TULP4: variants seen among roughly 807,000 people sequenced by gnomAD.
The protein encoded by TULP4 is tubby-related protein 4.
A neutral mutation model predicts 129.0 loss-of-function variants in TULP4; 16 were observed. That is an observed-to-expected ratio of 0.12 (90% CI 0.08 to 0.19). TULP4 has a LOEUF of 0.19. Among genes scored for constraint, TULP4 ranks in the 10% least tolerant of loss-of-function variants. TULP4 has a pLI of 1.00. For synonymous variants in TULP4, 998 were observed against 854.0 expected (o/e 1.17, Z -2.94); for missense variants, 1,842 against 2,059.1 (o/e 0.89, Z 2.04).
intron 1 of TULP4, among the ~76,000 whole-genome samples, chr6:158,394,785 T>A (rs1252372961): frequency 6.8e-4 from 7 of 10,352 alleles, no homozygotes; most frequent in African/African-American, 3.4e-3. Context: ...AGGCTCTGTC[T>A]CAAAAAAAAA....
At chr6:158,461,508 G>T in intron 5 of TULP4, 55 bp from the exon 6 acceptor site, 1 of 1,559,656 alleles carries the variant, frequency 6.4e-7, no homozygotes, top group Non-Finnish European at 8.7e-7. Flanking sequence ...GGCTTGCTGA[G>T]TGGCAGTTTG....
At chr6:158,259,915 T>C (rs946004958) in intron 1 of TULP4, among the ~76,000 whole-genome samples, 2 of 135,486 alleles carry the variant, frequency 1.5e-5, no homozygotes, top group African/African-American at 2.5e-5. Flanking sequence ...CGAGCTCCCA[T>C]GCCATGGAGT....
chr6:158,290,463 A>T (rs1778915891), intron 1 of TULP4, among the ~76,000 whole-genome samples: 2 of 151,986 alleles, frequency 1.3e-5, no homozygotes, highest in South Asian at 2.1e-4. Flanking sequence ...CATTCTGTGG[A>T]TTATGTCTAC....
chr6:158,237,231 G>C, intron 1 of TULP4: 1 of 774,956 alleles, frequency 1.3e-6, no homozygotes, highest in Non-Finnish European at 2.2e-6. Flanking sequence ...TGAAAATATG[G>C]AGATGAAGAG....
intron 1 of TULP4, among the ~76,000 whole-genome samples, chr6:158,406,335 C>T (rs1405583790): frequency 2.0e-5 from 3 of 152,012 alleles, no homozygotes; most frequent in Non-Finnish European, 4.4e-5. Flanking sequence ...ACTATTAATA[C>T]TAATAACTAC....
chr6:158,351,427 C>T (rs372015413), intron 1 of TULP4, among the ~76,000 whole-genome samples: 6 of 152,024 alleles, frequency 3.9e-5, no homozygotes, highest in Non-Finnish European at 7.4e-5. Flanking sequence ...TTCAGCAACC[C>T]GTTTTTGCAA....
intron 1 of TULP4, chr6:158,238,514 A>G (rs1777770533): frequency 3.3e-6 from 1 of 298,742 alleles, no homozygotes; most frequent in Non-Finnish European, 5.9e-6. Flanking sequence ...AGTGGAGGGA[A>G]GGTCAGCAGA....
At chr6:158,497,254 T>C (rs373597085) in intron 11 of TULP4, among the ~76,000 whole-genome samples, 3 of 152,224 alleles carry the variant, frequency 2.0e-5, no homozygotes, top group East Asian at 1.9e-4. Flanking sequence ...AAATTAACTA[T>C]TGAATACTAG....
chr6:158,399,374 T>C (rs1333200065), intron 1 of TULP4, among the ~76,000 whole-genome samples: 1 of 152,264 alleles, frequency 6.6e-6, no homozygotes, highest in Non-Finnish European at 1.5e-5. Context: ...TTTGGACTTT[T>C]AGTTCTCCTT....
chr6:158,292,102 G>A (rs570020086), intron 1 of TULP4, among the ~76,000 whole-genome samples: 40 of 152,292 alleles, frequency 2.6e-4, no homozygotes, highest in African/African-American at 9.1e-4. Flanking sequence ...CAGTTTGCAT[G>A]CAGCTAAGAT....
At chr6:158,380,279 C>T (rs1052903535) in intron 1 of TULP4, among the ~76,000 whole-genome samples, 1 of 152,184 alleles carries the variant, frequency 6.6e-6, no homozygotes, top group Non-Finnish European at 1.5e-5. Flanking sequence ...CAGCCCCTTG[C>T]CGGCATCCAA....
At chr6:158,241,320 A>T (rs1209517870) in intron 1 of TULP4, among the ~76,000 whole-genome samples, 1 of 110,348 alleles carries the variant, frequency 9.1e-6, no homozygotes. Context: ...CCAGGCAGAC[A>T]CTCCTCACTT....
intron 1 of TULP4, chr6:158,242,685 C>T (rs929857756): frequency 8.2e-6 from 5 of 607,002 alleles, no homozygotes; most frequent in South Asian, 1.7e-5. Flanking sequence ...ACAATGCAGG[C>T]CAGTTACATC....
At chr6:158,423,326 A>G (rs1562560113) in intron 2 of TULP4, among the ~76,000 whole-genome samples, 1 of 152,270 alleles carries the variant, frequency 6.6e-6, no homozygotes, top group African/African-American at 2.4e-5. Flanking sequence ...AAATTTAATG[A>G]TACGAAGTTA....
upstream of TULP4, chr6:158,311,991 C>T: frequency 2.5e-6 from 1 of 394,928 alleles, no homozygotes. Flanking sequence ...ATTCTTAAAA[C>T]CTTTATTTTC....
intron 1 of TULP4, among the ~76,000 whole-genome samples, chr6:158,246,975 CTG>C (rs1041915167): frequency 1.7e-4 from 26 of 152,128 alleles, no homozygotes; most frequent in African/African-American, 6.0e-4. Context: ...ATCTTTCTCA[CTG>C]TTATTATTTT....
At chr6:158,350,542 C>G (rs190512886) in intron 1 of TULP4, among the ~76,000 whole-genome samples, 1 of 152,066 alleles carries the variant, frequency 6.6e-6, no homozygotes, top group East Asian at 1.9e-4. Context: ...CCGGTCAACA[C>G]GGCAAAACCC....
chr6:158,492,461 C>T (rs1346438724), intron 9 of TULP4, among the ~76,000 whole-genome samples: 1 of 152,204 alleles, frequency 6.6e-6, no homozygotes, highest in Admixed American at 6.6e-5. Context: ...TGTTCCAGAG[C>T]TTGTTAAAAT....
At chr6:158,308,350 A>G (rs1403908833), upstream of TULP4, among the ~76,000 whole-genome samples, 5 of 151,904 alleles carry the variant, frequency 3.3e-5, no homozygotes, top group South Asian at 2.1e-4. Context: ...TCCCAAGGCC[A>G]AAGAATTTTT....
Sources: allele counts gnomAD v4.1 joint callset (sites outside exome capture counted in the v4.1 genomes callset), GRCh38; gene constraint gnomAD v4.1.1; transcripts MANE v1.5; gene names NCBI Gene and HGNC (gene_info 2026-07-23, HGNC 2026-07-21).